Variants in STAT5B observed in about 807,000 individuals in gnomAD.
The protein encoded by STAT5B is transcription factor STAT5B.
In STAT5B, 21 loss-of-function variants were observed where a neutral mutation model predicts 107.8. The observed-to-expected ratio is 0.19, with a 90% CI of 0.14 to 0.28. The LOEUF (loss-of-function observed/expected upper bound fraction) is 0.28, where lower values mean the gene tolerates loss of function less well. STAT5B is among the 10% of genes least tolerant of loss of function. STAT5B has a pLI of 1.00. For missense variants in STAT5B, 565 were observed against 1,008.2 expected (o/e 0.56, Z 5.95); for synonymous variants, 325 against 401.7 (o/e 0.81, Z 2.28).
upstream of STAT5B, among the ~76,000 whole-genome samples, chr17:42,279,633 C>A (rs571974401): frequency 6.6e-6 from 1 of 152,132 alleles, no homozygotes; most frequent in East Asian, 1.9e-4. Context: ...ACTAAAAATA[C>A]AAAATTAGCT....
chr17:42,253,474 A>C (rs1417984568), intron 1 of STAT5B, among the ~76,000 whole-genome samples: 1 of 152,200 alleles, frequency 6.6e-6, no homozygotes. Flanking sequence ...TGACTAGTAA[A>C]CTTACATAAA....
At chr17:42,267,438 T>G (rs1387366780) in intron 1 of STAT5B, among the ~76,000 whole-genome samples, 1 of 152,220 alleles carries the variant, frequency 6.6e-6, no homozygotes, top group East Asian at 1.9e-4. Flanking sequence ...CTGATGACCC[T>G]GACCCTGTGT....
intron 16 of STAT5B, among the ~76,000 whole-genome samples, chr17:42,205,104 T>G (rs1342729312): frequency 1.3e-5 from 2 of 152,184 alleles, no homozygotes; most frequent in African/African-American, 4.8e-5. Flanking sequence ...CTTGGCTCAC[T>G]GCAACCTCCG....
intron 16 of STAT5B, among the ~76,000 whole-genome samples, chr17:42,204,883 G>A (rs926650870): frequency 1.3e-5 from 2 of 152,132 alleles, no homozygotes; most frequent in Non-Finnish European, 2.9e-5. Context: ...TAATGTGCTG[G>A]AATTACAGGC....
the STAT5B span, among the ~76,000 whole-genome samples, chr17:42,282,660 A>G: frequency 6.6e-6 from 1 of 152,256 alleles, no homozygotes; most frequent in South Asian, 2.1e-4. Flanking sequence ...TCTTAACAGA[A>G]ATCCCAGCAG....
At chr17:42,239,658 T>C (rs958159518) in intron 1 of STAT5B, among the ~76,000 whole-genome samples, 1 of 152,216 alleles carries the variant, frequency 6.6e-6, no homozygotes, top group African/African-American at 2.4e-5. Flanking sequence ...TTATCCCCGT[T>C]ATGGATGAGG....
At chr17:42,226,937 C>G (rs2080277812) in intron 3 of STAT5B, among the ~76,000 whole-genome samples, 1 of 143,934 alleles carries the variant, frequency 6.9e-6, no homozygotes, top group South Asian at 2.2e-4. Context: ...CCACTGTGGC[C>G]AACATGGCAA....
chr17:42,279,742 G>A (rs1433373313), upstream of STAT5B, among the ~76,000 whole-genome samples: 3 of 151,526 alleles, frequency 2.0e-5, no homozygotes, highest in Admixed American at 6.6e-5. Flanking sequence ...CGGAGGTTGC[G>A]GTGAGCCAAA....
chr17:42,285,688 G>C, the STAT5B span, among the ~76,000 whole-genome samples: 3 of 152,274 alleles, frequency 2.0e-5, no homozygotes, highest in African/African-American at 7.2e-5. Context: ...GACATTTCTG[G>C]GTAGTTGTGT....
chr17:42,261,859 C>T (rs2080599583), intron 1 of STAT5B, among the ~76,000 whole-genome samples: 1 of 152,146 alleles, frequency 6.6e-6, no homozygotes, highest in Admixed American at 6.5e-5. Flanking sequence ...CATGCCCAGC[C>T]AGATTTTTTT....
chr17:42,239,474 TAATA>T (rs1598320220), intron 1 of STAT5B, among the ~76,000 whole-genome samples: 3 of 152,024 alleles, frequency 2.0e-5, no homozygotes, highest in Admixed American at 6.5e-5. Context: ...TCAATTCATC[TAATA>T]AATAAAAATA....
intron 1 of STAT5B, among the ~76,000 whole-genome samples, chr17:42,258,207 T>C (rs1377410078): frequency 1.3e-5 from 2 of 152,254 alleles, no homozygotes; most frequent in Admixed American, 6.5e-5. Flanking sequence ...AACCTACTTT[T>C]GGCAACATAG....
intron 16 of STAT5B, among the ~76,000 whole-genome samples, chr17:42,204,875 A>G (rs970981408): frequency 6.6e-6 from 1 of 152,054 alleles, no homozygotes; most frequent in African/African-American, 2.4e-5. Context: ...CCGCCTTCTA[A>G]TGTGCTGGAA....
At chr17:42,245,011 CTT>C (rs1044086260) in intron 1 of STAT5B, among the ~76,000 whole-genome samples, 2 of 151,286 alleles carry the variant, frequency 1.3e-5, no homozygotes, top group African/African-American at 2.4e-5. Flanking sequence ...AACCAATTCT[CTT>C]GTCTCAGCCT....
chr17:42,250,319 G>C (rs1430261551), intron 1 of STAT5B, among the ~76,000 whole-genome samples: 1 of 152,058 alleles, frequency 6.6e-6, no homozygotes, highest in Non-Finnish European at 1.5e-5. Context: ...AGAATACCTA[G>C]TTTGAAATGA....
the STAT5B span, among the ~76,000 whole-genome samples, chr17:42,287,371 G>T: frequency 1.3e-5 from 2 of 151,828 alleles, no homozygotes; most frequent in Admixed American, 1.3e-4. Context: ...CAGCTGTGCT[G>T]TGAGTGGGCA....
At position 42,201,073 on chromosome 17, in the gene STAT5B, G is replaced by A; in HGVS notation, c.*665C>T. ...GGGAGAGAGGACAAAGAGAGAATAA[G>A]ATGAGCTAAATGTTTTGTGAAAAGC... On this transcript the variant is annotated 3_prime_UTR_variant, in exon 19 of 19. Coordinates refer to ENST00000293328, the MANE Select transcript of STAT5B (RefSeq NM_012448.4). 2.5e-6 allele frequency: 1 copy of A among 403,446 alleles called. No homozygotes were observed. Among genetic ancestry groups the A allele is most frequent in the East Asian group, 3.5e-5 (1 of 28,350 alleles). 25.0% of individuals were successfully genotyped at this position (403,446 alleles called of 1,614,324 possible).
At chr17:42,262,776 GTA>G (rs1190339384) in intron 1 of STAT5B, among the ~76,000 whole-genome samples, 23 of 126,188 alleles carry the variant, frequency 1.8e-4, no homozygotes, top group South Asian at 9.7e-4. Flanking sequence ...ATACATATAT[GTA>G]TATATATACA....
chr17:42,232,194 C>T (rs1244063106), intron 1 of STAT5B, 57 bp from the exon 2 acceptor site: 3 of 1,580,816 alleles, frequency 1.9e-6, no homozygotes, highest in Non-Finnish European at 2.6e-6. Flanking sequence ...CCCTTACATC[C>T]ACCAGAGTAA....
Sources: allele counts gnomAD v4.1 joint callset (sites outside exome capture counted in the v4.1 genomes callset), GRCh38; gene constraint gnomAD v4.1.1; transcripts MANE v1.5; gene names NCBI Gene and HGNC (gene_info 2026-07-23, HGNC 2026-07-21).